CTNNA3: variants seen among roughly 807,000 people sequenced by gnomAD.
CTNNA3 encodes the protein catenin alpha 3.
In CTNNA3, 76 loss-of-function variants were observed where a neutral mutation model predicts 95.7. The ratio of observed to expected loss-of-function variants is 0.79; its 90% CI spans 0.66 to 0.96. The LOEUF (loss-of-function observed/expected upper bound fraction) is 0.96, where lower values mean the gene tolerates loss of function less well. Among genes scored for constraint, CTNNA3 ranks in the 40% least tolerant of loss-of-function variants. CTNNA3 has a pLI of 0.00. For missense variants in CTNNA3, 1,191 were observed against 1,089.8 expected, an observed-to-expected ratio of 1.09 and a Z score of -1.31; for synonymous variants, 431 against 374.4, an observed-to-expected ratio of 1.15 and a Z score of -1.74.
intron 13 of CTNNA3, among the ~76,000 whole-genome samples, chr10:66,263,200 A>G (rs1227778412): frequency 1.3e-5 from 2 of 151,996 alleles, no homozygotes; most frequent in African/African-American, 4.8e-5. Flanking sequence ...CATTCTGCAG[A>G]GCATATTGGA....
intron 5 of CTNNA3, among the ~76,000 whole-genome samples, chr10:67,282,560 T>C (rs1291321432): frequency 1.3e-5 from 2 of 152,242 alleles, no homozygotes; most frequent in Non-Finnish European, 2.9e-5. Flanking sequence ...TCTCACATTT[T>C]ATGTTTTGCT....
chr10:67,531,794 G>T (rs1413496093), intron 4 of CTNNA3, among the ~76,000 whole-genome samples: 1 of 152,128 alleles, frequency 6.6e-6, no homozygotes, highest in Non-Finnish European at 1.5e-5. Flanking sequence ...ATCTTGAATT[G>T]TAACTCTCAC....
chr10:66,569,766 C>G (rs116628171), intron 10 of CTNNA3, among the ~76,000 whole-genome samples: 3 of 152,058 alleles, frequency 2.0e-5, no homozygotes, highest in African/African-American at 2.4e-5. Context: ...AAATCACCCA[C>G]GCTTGATGTG....
chr10:67,147,596 A>T (rs2132057818), intron 7 of CTNNA3, among the ~76,000 whole-genome samples: 1 of 152,328 alleles, frequency 6.6e-6, no homozygotes, highest in East Asian at 1.9e-4. Context: ...GAAAAGCAAG[A>T]TATTTTTGTA....
chr10:66,463,713 C>T (rs1393565257), intron 11 of CTNNA3, among the ~76,000 whole-genome samples: 1 of 151,968 alleles, frequency 6.6e-6, no homozygotes, highest in Non-Finnish European at 1.5e-5. Flanking sequence ...ATGAAATAAT[C>T]CCCTATACTG....
At chr10:66,630,291 G>C (rs1009031916) in intron 9 of CTNNA3, among the ~76,000 whole-genome samples, 1 of 152,054 alleles carries the variant, frequency 6.6e-6, no homozygotes, top group African/African-American at 2.4e-5. Flanking sequence ...GAAATAAAGA[G>C]GAATGAAATT....
chr10:67,597,462 G>C (rs1231270255), intron 3 of CTNNA3, among the ~76,000 whole-genome samples: 1 of 152,280 alleles, frequency 6.6e-6, no homozygotes, highest in Middle Eastern at 3.4e-3. Flanking sequence ...TGATGCCCTT[G>C]GTGGTTTGAC....
At chr10:66,978,487 A>T (rs1283248993) in intron 7 of CTNNA3, among the ~76,000 whole-genome samples, 2 of 131,834 alleles carry the variant, frequency 1.5e-5, no homozygotes, top group African/African-American at 5.7e-5. Context: ...AGATCACACC[A>T]CTGCACTCCA....
intron 9 of CTNNA3, among the ~76,000 whole-genome samples, chr10:66,717,856 T>C (rs996670405): frequency 2.0e-4 from 30 of 152,318 alleles, no homozygotes; most frequent in African/African-American, 7.0e-4. Context: ...CAGCTCTAGA[T>C]TCTCTGGCTA....
At chr10:66,797,423 C>T (rs1479869749) in intron 7 of CTNNA3, among the ~76,000 whole-genome samples, 1 of 97,524 alleles carries the variant, frequency 1.0e-5, no homozygotes, top group Non-Finnish European at 1.8e-5. Context: ...AAAAAAAAAA[C>T]CCACATTTAA....
intron 5 of CTNNA3, among the ~76,000 whole-genome samples, chr10:67,365,158 A>C (rs575957893): frequency 6.6e-6 from 1 of 152,342 alleles, no homozygotes; most frequent in African/African-American, 2.4e-5. Flanking sequence ...GTGCTGGGAA[A>C]ACTGGCGAAC....
intron 10 of CTNNA3, among the ~76,000 whole-genome samples, chr10:66,583,892 C>A (rs1589451838): frequency 6.6e-6 from 1 of 151,688 alleles, no homozygotes; most frequent in African/African-American, 2.4e-5. Context: ...TGTTGTTATT[C>A]ATTTCAAAAA....
In CTNNA3 at chr10:66,780,627, G is replaced by T. The variant is rs180870091; in HGVS notation, c.1048-5103C>A. Among the ~76,000 whole-genome samples the T allele has an allele frequency of 3.3e-5, 5 of 152,280 alleles. No homozygotes were observed. The East Asian group carries it at 7.7e-4, about 24-fold the overall frequency. On this transcript the variant is annotated intron_variant, in intron 7 of 17. Transcript: ENST00000433211. ...TAAAGAGCTCATTTCATTAGTATTT[G>T]TCCTATGCTTAATTACTTACCTGAA...
intron 12 of CTNNA3, among the ~76,000 whole-genome samples, chr10:66,328,057 T>C (rs2132308160): frequency 6.6e-6 from 1 of 152,226 alleles, no homozygotes; most frequent in African/African-American, 2.4e-5. Flanking sequence ...AGCCATTCTT[T>C]TAATATTGAC....
chr10:67,368,083 T>C (rs953713644), intron 5 of CTNNA3, among the ~76,000 whole-genome samples: 1 of 151,718 alleles, frequency 6.6e-6, no homozygotes, highest in Non-Finnish European at 1.5e-5. Flanking sequence ...AAAAAATGAA[T>C]GAAAAAGTAC....
chr10:66,682,779 T>G (rs1847114118), intron 9 of CTNNA3, among the ~76,000 whole-genome samples: 1 of 152,054 alleles, frequency 6.6e-6, no homozygotes, highest in Non-Finnish European at 1.5e-5. Context: ...GGTAAATAAT[T>G]ATACAAACAA....
At chr10:67,439,751 A>T (rs1846429632) in intron 5 of CTNNA3, among the ~76,000 whole-genome samples, 1 of 151,662 alleles carries the variant, frequency 6.6e-6, no homozygotes, top group African/African-American at 2.4e-5. Flanking sequence ...GGAGCCTGCT[A>T]CCTTGAAGGG....
At chr10:66,741,962 T>A (rs1849340305) in intron 9 of CTNNA3, among the ~76,000 whole-genome samples, 1 of 152,110 alleles carries the variant, frequency 6.6e-6, no homozygotes, top group African/African-American at 2.4e-5. Context: ...ACAAATTGTT[T>A]GTAGAGCATG....
Position 66,486,737 on chromosome 10 carries a change from C to G in CTNNA3, c.1531+33880G>C, listed in dbSNP as rs527531166. 2.0e-5 allele frequency among the ~76,000 whole-genome samples: 3 copies of G among 152,178 alleles called. No homozygotes were observed. The East Asian group carries it at 5.8e-4, about 29-fold the overall frequency. On this transcript the variant is annotated intron_variant, in intron 11 of 17. Coordinates refer to ENST00000433211, the MANE Select transcript of CTNNA3 (RefSeq NM_013266.4). ...TCAGTATTTTAAAGAGAAATCTGAA[C>G]TCCCATGCTCATTGCAGTGTTACTC... is the stretch of plus-strand genomic sequence containing the variant.
Sources: allele counts gnomAD v4.1 joint callset (sites outside exome capture counted in the v4.1 genomes callset), GRCh38; gene constraint gnomAD v4.1.1; transcripts MANE v1.5; gene names NCBI Gene and HGNC (gene_info 2026-07-23, HGNC 2026-07-21).